Variants in CELF2 observed in about 807,000 individuals in gnomAD.
The protein encoded by CELF2 is CUG triplet repeat RNA-binding protein 2.
Under a neutral mutation model 62.6 loss-of-function variants are expected in CELF2, and 8 were observed. That is an observed-to-expected ratio of 0.13 (90% CI 0.07 to 0.23). The LOEUF (loss-of-function observed/expected upper bound fraction) is 0.23. Ranked by LOEUF, CELF2 falls within the 10% of genes least tolerant of loss-of-function variation. The pLI is 1.00. For missense variants in CELF2, 333 were observed against 671.0 expected, an observed-to-expected ratio of 0.50 and a Z score of 5.56; for synonymous variants, 258 against 250.0, an observed-to-expected ratio of 1.03 and a Z score of -0.30.
chr10:10,501,823 G>C, the CELF2 span, among the ~76,000 whole-genome samples: 357 of 152,262 alleles, frequency 2.3e-3, 4 homozygotes, highest in East Asian at 5.4e-3. Flanking sequence ...AGAGTGGTGA[G>C]AGCAGACATT....
chr10:11,273,271 G>C (rs1359723887), intron 7 of CELF2, among the ~76,000 whole-genome samples: 1 of 152,030 alleles, frequency 6.6e-6, no homozygotes, highest in East Asian at 1.9e-4. Flanking sequence ...CCGCCCAGCA[G>C]GAGAGGAGCG....
upstream of CELF2, among the ~76,000 whole-genome samples, chr10:11,015,055 C>G (rs919130086): frequency 5.9e-5 from 9 of 152,284 alleles, no homozygotes; most frequent in East Asian, 1.9e-4. The surrounding 1 kb of genome is among the most constrained non-coding windows in gnomAD (Gnocchi z 4.8). Flanking sequence ...CGATAAGATC[C>G]TTGACTATAA....
the CELF2 span, among the ~76,000 whole-genome samples, chr10:10,739,958 T>G: frequency 6.6e-6 from 1 of 152,130 alleles, no homozygotes; most frequent in Non-Finnish European, 1.5e-5. Flanking sequence ...TTATTTTTAT[T>G]TGTTGTTTGT....
chr10:10,571,721 G>A, the CELF2 span, among the ~76,000 whole-genome samples: 6 of 152,132 alleles, frequency 3.9e-5, no homozygotes, highest in South Asian at 2.1e-4. Flanking sequence ...AGGCTGAGTC[G>A]GACAGCAGAT....
At chr10:10,623,264 A>G in the CELF2 span, among the ~76,000 whole-genome samples, 6 of 152,278 alleles carry the variant, frequency 3.9e-5, no homozygotes, top group Admixed American at 3.9e-4. Context: ...TATTCCTCAG[A>G]GAGCAGCGAA....
the CELF2 span, among the ~76,000 whole-genome samples, chr10:10,529,578 G>A: frequency 6.6e-6 from 1 of 150,938 alleles, no homozygotes; most frequent in Admixed American, 6.7e-5. Flanking sequence ...CAGCTACTCA[G>A]GAGGCTGAGG....
chr10:10,813,531 G>A (rs1035695818), intron 1 of CELF2, among the ~76,000 whole-genome samples: 1 of 152,200 alleles, frequency 6.6e-6, no homozygotes, highest in African/African-American at 2.4e-5. Flanking sequence ...TTTGTAAATG[G>A]CATGTAATGC....
At chr10:10,834,814 C>G (rs757704846) in intron 1 of CELF2, among the ~76,000 whole-genome samples, 1 of 152,184 alleles carries the variant, frequency 6.6e-6, no homozygotes, top group Admixed American at 6.5e-5. Flanking sequence ...GCCAGACACA[C>G]GTGTGGCACA....
intron 9 of CELF2, among the ~76,000 whole-genome samples, chr10:11,301,391 CCCCCCGCTTCCCCCCCT>C (rs2093708937): frequency 9.8e-6 from 1 of 102,388 alleles, no homozygotes; most frequent in Non-Finnish European, 2.1e-5. Flanking sequence ...CTTCCCCCCT[CCCCCCGCTTCCCCCCCT>C]CCCGCACCCC....
At chr10:10,564,654 AC>A in the CELF2 span, among the ~76,000 whole-genome samples, 2 of 120,182 alleles carry the variant, frequency 1.7e-5, no homozygotes, top group Admixed American at 1.6e-4. Context: ...ACACACACAC[AC>A]ACACACACAC....
chr10:11,120,953 C>T (rs146314017), intron 1 of CELF2, among the ~76,000 whole-genome samples: 220 of 152,250 alleles, frequency 1.4e-3, no homozygotes, highest in African/African-American at 5.0e-3. Context: ...CTTTTAAGCG[C>T]GTCCATTTGC....
At chr10:10,547,920 T>A in the CELF2 span, among the ~76,000 whole-genome samples, 24 of 152,296 alleles carry the variant, frequency 1.6e-4, no homozygotes, top group African/African-American at 5.3e-4. Context: ...ATAAGCCCAA[T>A]GCACAGATGA....
intron 2 of CELF2, among the ~76,000 whole-genome samples, chr10:11,197,439 A>G (rs1330363951): frequency 6.6e-6 from 1 of 152,254 alleles, no homozygotes; most frequent in African/African-American, 2.4e-5. Context: ...AGGGTAGCAA[A>G]TGGTCCCTTA....
rs1487205241 is a variant in CELF2, at chr10:11,224,239, G to A, written c.354+6732G>A. On this transcript the variant is annotated intron_variant, in intron 3 of 12. Transcript: ENST00000633077. The surrounding 1 kb of genome is among the most constrained non-coding windows in gnomAD (Gnocchi z 4.5). ...GTCTCAGCTATATCCCTAATTAATA[G>A]GACTGTTGCCAGGGCTTGTGTGAGA... Among the ~76,000 whole-genome samples the A allele has an allele frequency of 6.6e-6, 1 of 152,166 alleles. No individual in the cohort carries two copies. Among genetic ancestry groups the A allele is most frequent in the Non-Finnish European group, 1.5e-5 (1 of 68,042 alleles).
intron 1 of CELF2, among the ~76,000 whole-genome samples, chr10:10,870,532 C>A (rs976226796): frequency 6.6e-6 from 1 of 152,136 alleles, no homozygotes; most frequent in African/African-American, 2.4e-5. Context: ...ATAACAAAAA[C>A]TTTCAGGAAG....
chr10:10,780,332 C>G, the CELF2 span, among the ~76,000 whole-genome samples: 1 of 152,044 alleles, frequency 6.6e-6, no homozygotes, highest in Admixed American at 6.6e-5. Flanking sequence ...GGCACTTACC[C>G]TAGGCATTTT....
intron 9 of CELF2, among the ~76,000 whole-genome samples, chr10:11,310,235 A>G (rs879641181): frequency 5.9e-5 from 9 of 152,130 alleles, no homozygotes; most frequent in Admixed American, 5.9e-4. Context: ...CAATGTTGGT[A>G]GTCTCCCCCT....
At chr10:10,905,570 C>T (rs1243958804) in intron 1 of CELF2, among the ~76,000 whole-genome samples, 1 of 142,336 alleles carries the variant, frequency 7.0e-6, no homozygotes, top group Non-Finnish European at 1.5e-5. Context: ...ATGGCAAACC[C>T]CCATCTCTAC....
intron 2 of CELF2, among the ~76,000 whole-genome samples, chr10:10,988,874 A>G (rs1405693171): frequency 6.6e-6 from 1 of 152,144 alleles, no homozygotes; most frequent in East Asian, 1.9e-4. Flanking sequence ...TGGAACCCAA[A>G]TAAACAGATA....
Sources: allele counts gnomAD v4.1 joint callset (sites outside exome capture counted in the v4.1 genomes callset), GRCh38; gene constraint gnomAD v4.1.1; non-coding constraint Gnocchi (gnomAD v3.1); transcripts MANE v1.5; gene names NCBI Gene and HGNC (gene_info 2026-07-23, HGNC 2026-07-21).